FBXO8: variants seen among roughly 807,000 people sequenced by gnomAD.
FBXO8 encodes the protein F-box protein 8.
A neutral mutation model predicts 33.4 loss-of-function variants in FBXO8; 15 were observed. The observed-to-expected ratio is 0.45, with a 90% CI of 0.30 to 0.69. FBXO8 has a LOEUF of 0.69. Among genes scored for constraint, FBXO8 ranks in the 30% least tolerant of loss-of-function variants. FBXO8 has a pLI of 0.08. For missense variants in FBXO8, 274 were observed against 380.3 expected (o/e 0.72, Z 2.32); for synonymous variants, 132 against 131.5 (o/e 1.00, Z -0.02).
chr4:174,269,877 C>G (rs529475147), intron 1 of FBXO8, among the ~76,000 whole-genome samples: 1 of 152,294 alleles, frequency 6.6e-6, no homozygotes, highest in Admixed American at 6.5e-5. Context: ...AGAATTTCTA[C>G]TCCCTGAAAT....
rs935558019 is a variant in FBXO8, at chr4:174,256,009, C to T, written c.456+3690G>A. 8.9e-6 allele frequency: 4 copies of T among 451,870 alleles called. No homozygotes were observed. The highest frequency in any genetic ancestry group is 7.0e-5 in the East Asian group (1 of 14,358). The allele number at this position is 451,870 out of a possible 1,614,324, so 28.0% of individuals were successfully genotyped here. On this transcript the variant is annotated intron_variant, in intron 3 of 5. Transcript: ENST00000393674. The surrounding 1 kb of genome is among the most constrained non-coding windows in gnomAD (Gnocchi z 4.6). Reference sequence around the variant, plus strand: ...CACAATGTCATGCATAGTACAACAGCGTGCCAGATTATCGTACCACAAACT... The same window carrying T: ...CACAATGTCATGCATAGTACAACAGTGTGCCAGATTATCGTACCACAAACT...
intron 4 of FBXO8, among the ~76,000 whole-genome samples, chr4:174,240,517 T>A (rs976457501): frequency 6.6e-6 from 1 of 151,788 alleles, no homozygotes; most frequent in Non-Finnish European, 1.5e-5. Context: ...CAAATTTATG[T>A]TCTTTAATAA....
At position 174,237,715 on chromosome 4, in the gene FBXO8, TAC is replaced by T. The variant is rs879200923; in HGVS notation, c.773-118_773-117del. ...CAAGATATCAAGATTAGCTCATAAATACAGAGTGACCAATCCATCCCAGTTTG... is the reference window on the plus strand; with the variant it reads ...CAAGATATCAAGATTAGCTCATAAATAGAGTGACCAATCCATCCCAGTTTG... On this transcript the variant is annotated intron_variant, in intron 5 of 5. Coordinates refer to ENST00000393674, the MANE Select transcript of FBXO8 (RefSeq NM_012180.3). The surrounding 1 kb of genome is among the most constrained non-coding windows in gnomAD (Gnocchi z 4.4). 7.1e-4 allele frequency: 631 copies of T among 889,252 alleles called. 12 individuals are homozygous for T. The South Asian group carries it at 0.011, about 16-fold the overall frequency. 55.1% of individuals were successfully genotyped at this position (889,252 alleles called of 1,614,324 possible). A position where few individuals can be genotyped will look rare whatever the true frequency, so the allele number is the denominator to read the frequency against.
At position 174,237,299 on chromosome 4, in the gene FBXO8, C is replaced by T. The variant is rs1232580568; in HGVS notation, c.*113G>A. 4.1e-5 allele frequency: 33 copies of T among 801,288 alleles called. No homozygotes were observed. The highest frequency in any genetic ancestry group is 6.1e-5 in the Non-Finnish European group (32 of 527,378). 49.6% of individuals were successfully genotyped at this position (801,288 alleles called of 1,614,324 possible). On this transcript the variant is annotated 3_prime_UTR_variant, in exon 6 of 6. Coordinates refer to ENST00000393674, the MANE Select transcript of FBXO8 (RefSeq NM_012180.3). This position sits in a 1 kb window ranked among gnomAD's most constrained non-coding sequence, Gnocchi z 4.4. ...AAGAAAAAAAGGTTGCACACTGAAG[C>T]TTGATTGTATACTCAGGCTACAATG...
In FBXO8 at chr4:174,251,951, T is replaced by C. The variant is rs888834956; in HGVS notation, c.456+7748A>G. Among the ~76,000 whole-genome samples, 5 of 151,990 alleles carry C rather than the reference T, an allele frequency of 3.3e-5. No homozygotes were observed. The highest frequency in any genetic ancestry group is 5.9e-5 in the Non-Finnish European group (4 of 67,990). ...TCCCTTCAGCAAATTTGGAGATAAA[T>C]TGATCTGCTACTGAGAATTAGCAAT... On this transcript the variant is annotated intron_variant, in intron 3 of 5. Transcript: ENST00000393674. The surrounding 1 kb of genome is among the most constrained non-coding windows in gnomAD (Gnocchi z 4.2).
intron 5 of FBXO8, among the ~76,000 whole-genome samples, chr4:174,238,565 T>C (rs897151940): frequency 6.6e-6 from 1 of 151,438 alleles, no homozygotes; most frequent in Non-Finnish European, 1.5e-5. Context: ...AACAGACATA[T>C]ATAACAACTT....
intron 4 of FBXO8, among the ~76,000 whole-genome samples, chr4:174,240,678 C>T (rs1463392963): frequency 6.6e-6 from 1 of 151,470 alleles, no homozygotes; most frequent in African/African-American, 2.4e-5. Context: ...ATATATATAC[C>T]TTATATCCCT....
Position 174,262,795 on chromosome 4 carries a change from C to T in FBXO8, c.298G>A (p.Asp100Asn), listed in dbSNP as rs138114332. Residue 100 changes from aspartate (D) to asparagine (N), a missense_variant, in exon 2 of 6, where the codon GAC becomes AAC. Transcript: ENST00000393674. This position sits in a 1 kb window ranked among gnomAD's most constrained non-coding sequence, Gnocchi z 4.6. Reference protein sequence around the residue: ...DLCLASCVWQDLANDELLWQG... With the variant: ...DLCLASCVWQNLANDELLWQG... ...CAGAGAAGTTCATCATTCGCAAGGT[C>T]CTGCCAAACACATGAAGCCAAGCAA... is the stretch of plus-strand genomic sequence containing the variant. The T allele has an allele frequency of 6.8e-6, 11 of 1,613,754 alleles. No homozygotes were observed. The highest frequency in any genetic ancestry group is 6.7e-5 in the Admixed American group (4 of 59,916).
rs955237077 is a variant in FBXO8, at chr4:174,256,614, A to G, written c.456+3085T>C. Reference sequence around the variant, plus strand: ...TTTATGTTAGTCAATGAAAGAAAGTACAGAATATAGTCACTGAACTACTTC... The same window carrying G: ...TTTATGTTAGTCAATGAAAGAAAGTGCAGAATATAGTCACTGAACTACTTC... On this transcript the variant is annotated intron_variant, in intron 3 of 5. Coordinates refer to ENST00000393674, the MANE Select transcript of FBXO8 (RefSeq NM_012180.3). The surrounding 1 kb of genome is among the most constrained non-coding windows in gnomAD (Gnocchi z 4.6). 7.9e-5 allele frequency among the ~76,000 whole-genome samples: 12 copies of G among 152,240 alleles called. No homozygotes were observed. Among genetic ancestry groups the G allele is most frequent in the Admixed American group, 2.0e-4 (3 of 15,278 alleles).
intron 1 of FBXO8, among the ~76,000 whole-genome samples, chr4:174,264,319 T>G (rs988978490): frequency 2.0e-5 from 3 of 152,054 alleles, no homozygotes; most frequent in African/African-American, 7.2e-5. Flanking sequence ...ATTTGAAAAT[T>G]GAGTGGAACT....
rs1043354984 is a variant in FBXO8 at position 174,252,823 on chromosome 4, T to C, written c.456+6876A>G. Among the ~76,000 whole-genome samples the C allele has an allele frequency of 1.3e-5, 2 of 151,890 alleles. No individual in the cohort carries two copies. The highest frequency in any genetic ancestry group is 2.1e-4 in the South Asian group (1 of 4,810). The stretch of plus-strand genomic sequence containing the variant: ...AACCTGTCTCTACTAAAAAAAATAT[T>C]AGCCAGGTGTGGTGGCATGCACCTG... On this transcript the variant is annotated intron_variant, in intron 3 of 5. Coordinates refer to ENST00000393674, the MANE Select transcript of FBXO8 (RefSeq NM_012180.3). This position sits in a 1 kb window ranked among gnomAD's most constrained non-coding sequence, Gnocchi z 5.1.
chr4:174,264,593 T>G (rs939464423), intron 1 of FBXO8, among the ~76,000 whole-genome samples: 13 of 152,062 alleles, frequency 8.5e-5, no homozygotes, highest in African/African-American at 3.1e-4. Flanking sequence ...CACCTTATAT[T>G]GCACTGCTTG....
In FBXO8 at chr4:174,278,333, T is replaced by C. The variant is rs1477125871; in HGVS notation, c.-9+5077A>G. ...CATACCATTTGCAGGTTTTGGTTTTTTTTAATTCAAAAAGATTTACAATAT... is the reference window on the plus strand; with the variant it reads ...CATACCATTTGCAGGTTTTGGTTTTCTTTAATTCAAAAAGATTTACAATAT... On this transcript the variant is annotated intron_variant, in intron 1 of 5. Coordinates refer to ENST00000393674, the MANE Select transcript of FBXO8 (RefSeq NM_012180.3). The surrounding 1 kb of genome is among the most constrained non-coding windows in gnomAD (Gnocchi z 4.1). Among the ~76,000 whole-genome samples the C allele has an allele frequency of 2.0e-5, 3 of 152,222 alleles. No homozygotes were observed. The highest frequency in any genetic ancestry group is 2.1e-4 in the South Asian group (1 of 4,826).
In FBXO8 at chr4:174,263,888, C is replaced by T. The variant is rs1196444105; in HGVS notation, c.-8-788G>A. ...TCTGACCTCCCACCAGAGCATTCTA[C>T]ATTTGTCTGTCACATATATTGACTT... On this transcript the variant is annotated intron_variant, in intron 1 of 5. Coordinates refer to ENST00000393674, the MANE Select transcript of FBXO8 (RefSeq NM_012180.3). The surrounding 1 kb of genome is among the most constrained non-coding windows in gnomAD (Gnocchi z 4.2). Among the ~76,000 whole-genome samples the T allele has an allele frequency of 6.6e-6, 1 of 152,132 alleles. No individual in the cohort carries two copies. The highest frequency in any genetic ancestry group is 2.4e-5 in the African/African-American group (1 of 41,440).
At chr4:174,238,253 C>T (rs1036967452) in intron 5 of FBXO8, among the ~76,000 whole-genome samples, 2 of 151,708 alleles carry the variant, frequency 1.3e-5, no homozygotes, top group African/African-American at 4.8e-5. Flanking sequence ...TTATATATGC[C>T]TAGGGTAATA....
chr4:174,274,547 C>G lies in FBXO8; in HGVS notation c.-9+8863G>C, dbSNP rs901003702. 1.3e-4 allele frequency among the ~76,000 whole-genome samples: 20 copies of G among 152,182 alleles called. No individual in the cohort carries two copies. Among genetic ancestry groups the G allele is most frequent in the African/African-American group, 4.6e-4 (19 of 41,442 alleles). ...ATTTGGAGAGATGCCATTTACATAG[C>G]AAGGCCATAGTTCCAACACGCACTA... is the stretch of plus-strand genomic sequence containing the variant. On this transcript the variant is annotated intron_variant, in intron 1 of 5. Coordinates refer to ENST00000393674, the MANE Select transcript of FBXO8 (RefSeq NM_012180.3). This position sits in a 1 kb window ranked among gnomAD's most constrained non-coding sequence, Gnocchi z 4.0.
chr4:174,250,478 A>G (rs1411179264), intron 3 of FBXO8, among the ~76,000 whole-genome samples: 1 of 152,112 alleles, frequency 6.6e-6, no homozygotes, highest in Non-Finnish European at 1.5e-5. Context: ...CAATCCAAAT[A>G]ATCCAAAGTA....
chr4:174,276,217 G>A (rs1736956896), intron 1 of FBXO8, among the ~76,000 whole-genome samples: 1 of 151,882 alleles, frequency 6.6e-6, no homozygotes, highest in Non-Finnish European at 1.5e-5. Flanking sequence ...ATTACATATT[G>A]ACCAAATATT....
Position 174,275,984 on chromosome 4 carries a change from CATTA to C in FBXO8, c.-9+7422_-9+7425del, listed in dbSNP as rs1233388431. On this transcript the variant is annotated intron_variant, in intron 1 of 5. Coordinates refer to ENST00000393674, the MANE Select transcript of FBXO8 (RefSeq NM_012180.3). This position sits in a 1 kb window ranked among gnomAD's most constrained non-coding sequence, Gnocchi z 4.4. ...AAAAAGACAATGTACATATAAAATA[CATTA>C]ATTAGAAAATTGGTATAATTACTTA... Among the ~76,000 whole-genome samples, 1 of 151,970 alleles carries C rather than the reference CATTA, an allele frequency of 6.6e-6. No individual in the cohort carries two copies. Among genetic ancestry groups the C allele is most frequent in the East Asian group, 1.9e-4 (1 of 5,184 alleles).
Sources: gnomAD v4.1 joint callset for allele counts (sites outside exome capture counted in the v4.1 genomes callset) on GRCh38, gnomAD v4.1.1 for gene constraint, Gnocchi (gnomAD v3.1) non-coding constraint, MANE v1.5 for transcripts, NCBI Gene and HGNC (gene_info 2026-07-23, HGNC 2026-07-21) for gene names.